Variants in TNNI3K observed in about 807,000 individuals in gnomAD.
The protein encoded by TNNI3K is TNNI3 interacting kinase.
TNNI3K carries 140 observed loss-of-function variants against 114.5 expected under a neutral mutation model. The ratio of observed to expected loss-of-function variants is 1.22; its 90% CI spans 1.07 to 1.41. TNNI3K has a LOEUF of 1.41. TNNI3K is among the 40% of genes most tolerant of loss of function. The pLI is 0.00. For missense variants in TNNI3K, 1,125 were observed against 1,007.6 expected, an observed-to-expected ratio of 1.12 and a Z score of -1.58; for synonymous variants, 347 against 347.5, an observed-to-expected ratio of 1.00 and a Z score of 0.02.
In TNNI3K at chr1:74,544,109, T is replaced by A; in HGVS notation, c.*127T>A. ...GGTCTCCTTAAATTGGGCTTGTTTTTACTTGTCCTATTTAATTCCCCACTA... is the reference window on the plus strand; with the variant it reads ...GGTCTCCTTAAATTGGGCTTGTTTTAACTTGTCCTATTTAATTCCCCACTA... On this transcript the variant is annotated 3_prime_UTR_variant, in exon 25 of 25. Transcript: ENST00000326637. 1 of 1,002,470 alleles carries A rather than the reference T, an allele frequency of 1.0e-6. No individual in the cohort carries two copies. Among genetic ancestry groups the A allele is most frequent in the Non-Finnish European group, 1.4e-6 (1 of 707,362 alleles). 62.1% of individuals were successfully genotyped at this position (1,002,470 alleles called of 1,614,324 possible). A position where few individuals can be genotyped will look rare whatever the true frequency, so the allele number is the denominator to read the frequency against.
chr1:74,273,846 C>T (rs1656502490), intron 5 of TNNI3K, among the ~76,000 whole-genome samples: 1 of 151,838 alleles, frequency 6.6e-6, no homozygotes, highest in African/African-American at 2.4e-5. Flanking sequence ...TTATTCTCTT[C>T]TTATATGGGG....
intron 17 of TNNI3K, among the ~76,000 whole-genome samples, chr1:74,381,229 G>C (rs1243109157): frequency 6.6e-6 from 1 of 152,106 alleles, no homozygotes; most frequent in Non-Finnish European, 1.5e-5. Context: ...GACGGCATGG[G>C]CTCTGAAGCC....
chr1:74,296,372 T>C (rs537251675), intron 5 of TNNI3K, among the ~76,000 whole-genome samples: 1 of 152,184 alleles, frequency 6.6e-6, no homozygotes, highest in African/African-American at 2.4e-5. Context: ...CTTTAAAGTA[T>C]ACCTCTCACT....
At chr1:74,327,822 A>G (rs544659076) in intron 5 of TNNI3K, among the ~76,000 whole-genome samples, 1 of 150,436 alleles carries the variant, frequency 6.6e-6, no homozygotes, top group East Asian at 1.9e-4. Flanking sequence ...AAAGATTTAT[A>G]TCCTTAAAGT....
intron 5 of TNNI3K, among the ~76,000 whole-genome samples, chr1:74,280,469 C>T (rs557568316): frequency 2.0e-5 from 3 of 152,108 alleles, no homozygotes; most frequent in Non-Finnish European, 2.9e-5. Flanking sequence ...TCTTCCCCAC[C>T]TCCCCACTAG....
At chr1:74,476,732 G>A (rs1419301206) in intron 21 of TNNI3K, among the ~76,000 whole-genome samples, 1 of 152,096 alleles carries the variant, frequency 6.6e-6, no homozygotes, top group East Asian at 1.9e-4. Flanking sequence ...ATCTGCCTGA[G>A]GACAGTGCCC....
chr1:74,461,861 A>G (rs901659805), intron 20 of TNNI3K, among the ~76,000 whole-genome samples: 3 of 152,228 alleles, frequency 2.0e-5, no homozygotes, highest in Non-Finnish European at 4.4e-5. Context: ...ATATTCTTTG[A>G]AGTGTTTACA....
chr1:74,378,728 G>T (rs1477566403), intron 17 of TNNI3K: 1 of 148,350 alleles, frequency 6.7e-6, no homozygotes, highest in Non-Finnish European at 1.5e-5. Context: ...TGAGGGCTTG[G>T]CATTGGGTGA....
At chr1:74,295,158 C>T (rs559439539) in intron 5 of TNNI3K, among the ~76,000 whole-genome samples, 80 of 105,238 alleles carry the variant, frequency 7.6e-4, no homozygotes, top group African/African-American at 2.8e-3. Context: ...AATTTTCAAA[C>T]ATTTTGACAG....
intron 5 of TNNI3K, among the ~76,000 whole-genome samples, chr1:74,305,990 T>G (rs1243796098): frequency 2.6e-5 from 4 of 152,274 alleles, no homozygotes; most frequent in Non-Finnish European, 5.9e-5. Context: ...ACGTAGGTAG[T>G]TGTTCAGCCA....
chr1:74,392,974 T>A (rs775522855), intron 17 of TNNI3K, among the ~76,000 whole-genome samples: 1 of 152,200 alleles, frequency 6.6e-6, no homozygotes, highest in Non-Finnish European at 1.5e-5. Context: ...CTTATAGCTG[T>A]TTTCCTGTGT....
At chr1:74,243,112 A>T (rs1386463639) in intron 2 of TNNI3K, among the ~76,000 whole-genome samples, 2 of 152,352 alleles carry the variant, frequency 1.3e-5, no homozygotes. Context: ...ACTTATTTAC[A>T]CTTCACAACA....
At chr1:74,482,537 T>C (rs1273145092) in intron 21 of TNNI3K, among the ~76,000 whole-genome samples, 1 of 152,192 alleles carries the variant, frequency 6.6e-6, no homozygotes, top group Non-Finnish European at 1.5e-5. Context: ...GGTGACAACA[T>C]CTACCTCCTA....
chr1:74,304,277 T>C (rs577743181), intron 5 of TNNI3K, among the ~76,000 whole-genome samples: 4 of 152,270 alleles, frequency 2.6e-5, no homozygotes, highest in East Asian at 3.9e-4. Context: ...AACCTTAACA[T>C]TGTCTTATTT....
intron 4 of TNNI3K, among the ~76,000 whole-genome samples, chr1:74,252,884 G>A (rs992779860): frequency 6.6e-6 from 1 of 152,120 alleles, no homozygotes; most frequent in East Asian, 1.9e-4. Flanking sequence ...AAGTGTGGAG[G>A]GGCACCCGAG....
At chr1:74,254,773 A>C (rs1655169394) in intron 4 of TNNI3K, among the ~76,000 whole-genome samples, 1 of 152,134 alleles carries the variant, frequency 6.6e-6, no homozygotes, top group Non-Finnish European at 1.5e-5. Flanking sequence ...GCAAAGTAAA[A>C]GCAAGTTTAT....
chr1:74,367,775 A>G (rs1359952527), intron 12 of TNNI3K, 133 bp from the exon 13 acceptor site: 3 of 794,410 alleles, frequency 3.8e-6, no homozygotes, highest in Non-Finnish European at 5.9e-6. Context: ...CAATTTCAGT[A>G]TCCAGAGAAA....
intron 17 of TNNI3K, among the ~76,000 whole-genome samples, chr1:74,395,475 T>A (rs940805481): frequency 2.6e-5 from 4 of 152,082 alleles, no homozygotes; most frequent in Admixed American, 6.5e-5. Context: ...CAGGAGATGA[T>A]GAAAGTGACA....
At chr1:74,523,225 T>C (rs1048369164) in intron 23 of TNNI3K, among the ~76,000 whole-genome samples, 1 of 152,220 alleles carries the variant, frequency 6.6e-6, no homozygotes. Context: ...AGGAATTGTA[T>C]GTGAAATAAA....
Sources: gnomAD v4.1 joint callset for allele counts (sites outside exome capture counted in the v4.1 genomes callset) on GRCh38, gnomAD v4.1.1 for gene constraint, MANE v1.5 for transcripts, NCBI Gene and HGNC (gene_info 2026-07-23, HGNC 2026-07-21) for gene names.